CAMTA1: variants seen among roughly 807,000 people sequenced by gnomAD.
CAMTA1 encodes calmodulin-binding transcription activator 1.
A neutral mutation model predicts 170.9 loss-of-function variants in CAMTA1; 27 were observed. The ratio of observed to expected loss-of-function variants is 0.16; its 90% CI spans 0.12 to 0.22. CAMTA1 has a LOEUF of 0.22. Among genes scored for constraint, CAMTA1 ranks in the 10% least tolerant of loss-of-function variants. The pLI is 1.00. For missense variants in CAMTA1, 1,619 were observed against 2,217.2 expected (o/e 0.73, Z 5.42); for synonymous variants, 833 against 891.5 (o/e 0.93, Z 1.17).
intron 6 of CAMTA1, among the ~76,000 whole-genome samples, chr1:7,474,379 A>G (rs2093385260): frequency 6.6e-6 from 1 of 152,220 alleles, no homozygotes; most frequent in Non-Finnish European, 1.5e-5. Context: ...GCTCATCCAT[A>G]AAATGGAGCC....
intron 7 of CAMTA1, among the ~76,000 whole-genome samples, chr1:7,648,555 G>T (rs189973575): frequency 3.5e-4 from 53 of 152,288 alleles, no homozygotes; most frequent in African/African-American, 1.3e-3. Context: ...TTCACTTAGA[G>T]GCGTGTTCCA....
chr1:7,099,977 G>GTCTCTC (rs1642529311), intron 4 of CAMTA1, among the ~76,000 whole-genome samples: 1 of 152,218 alleles, frequency 6.6e-6, no homozygotes, highest in African/African-American at 2.4e-5. Context: ...AGGCCAGGGG[G>GTCTCTC]TGGTTGCCTG....
chr1:7,762,759 C>T (rs942079889), intron 22 of CAMTA1, among the ~76,000 whole-genome samples: 1 of 152,100 alleles, frequency 6.6e-6, no homozygotes, highest in Non-Finnish European at 1.5e-5. Flanking sequence ...TTTTAGGATT[C>T]TAAATAATTG....
chr1:6,788,686 C>T (rs780418114), intron 1 of CAMTA1, among the ~76,000 whole-genome samples: 1 of 152,090 alleles, frequency 6.6e-6, no homozygotes, highest in Non-Finnish European at 1.5e-5. Flanking sequence ...CCTACCGTTT[C>T]CTCCATGGCC....
chr1:6,830,841 T>C (rs1390060445), intron 3 of CAMTA1, among the ~76,000 whole-genome samples: 1 of 151,666 alleles, frequency 6.6e-6, no homozygotes, highest in Non-Finnish European at 1.5e-5. Flanking sequence ...TTTTTTGAGA[T>C]GGAGTCTCAC....
chr1:7,498,088 A>G (rs2093860781), intron 6 of CAMTA1, among the ~76,000 whole-genome samples: 1 of 152,076 alleles, frequency 6.6e-6, no homozygotes, highest in Non-Finnish European at 1.5e-5. Context: ...TGCGGGGAGC[A>G]TCCTGAGGAG....
intron 3 of CAMTA1, among the ~76,000 whole-genome samples, chr1:7,006,301 A>T (rs894050727): frequency 6.6e-6 from 1 of 152,208 alleles, no homozygotes; most frequent in Non-Finnish European, 1.5e-5. Context: ...TCCCCATTAA[A>T]AACTAATATA....
intron 6 of CAMTA1, among the ~76,000 whole-genome samples, chr1:7,590,970 G>A (rs2095351244): frequency 6.6e-6 from 1 of 152,152 alleles, no homozygotes; most frequent in Admixed American, 6.5e-5. Context: ...AAAAGTGCAC[G>A]GAACAGATAG....
chr1:7,204,420 T>G (rs1657293272), intron 4 of CAMTA1, among the ~76,000 whole-genome samples: 1 of 152,234 alleles, frequency 6.6e-6, no homozygotes, highest in African/African-American at 2.4e-5. Context: ...CTTAAGGCAT[T>G]GATTATGTAA....
chr1:7,566,236 C>G (rs2095040579), intron 6 of CAMTA1, among the ~76,000 whole-genome samples: 1 of 152,182 alleles, frequency 6.6e-6, no homozygotes, highest in South Asian at 2.1e-4. Flanking sequence ...CCCAGGCACT[C>G]ACTGTCCCTC....
chr1:7,009,645 G>T (rs1233338352), intron 3 of CAMTA1, among the ~76,000 whole-genome samples: 4 of 152,356 alleles, frequency 2.6e-5, no homozygotes, highest in Admixed American at 6.5e-5. Context: ...AGGAAGCTCG[G>T]GGGCGAGTGT....
chr1:7,488,194 T>C (rs953479297), intron 6 of CAMTA1, among the ~76,000 whole-genome samples: 6 of 152,194 alleles, frequency 3.9e-5, no homozygotes, highest in African/African-American at 1.2e-4. Flanking sequence ...CTCTAGGTGC[T>C]TGATCCCAGG....
At position 7,674,118 on chromosome 1, in the gene CAMTA1, G is replaced by A. The variant is rs540923163; in HGVS notation, c.2779+3081G>A. Among the ~76,000 whole-genome samples the A allele has an allele frequency of 6.6e-5, 10 of 152,316 alleles. No homozygotes were observed. The South Asian group carries it at 8.3e-4, about 13-fold the overall frequency. On this transcript the variant is annotated intron_variant, in intron 10 of 22. Coordinates refer to ENST00000303635, the MANE Select transcript of CAMTA1 (RefSeq NM_015215.4). This position sits in a 1 kb window ranked among gnomAD's most constrained non-coding sequence, Gnocchi z 4.1. ...AGGCTTATGAGCACAAGCCAGGAAC[G>A]ACACGGGAGGAGGGGGCACTGGCAA... is the stretch of plus-strand genomic sequence containing the variant.
At chr1:7,207,643 G>C (rs1307445374) in intron 4 of CAMTA1, among the ~76,000 whole-genome samples, 1 of 152,166 alleles carries the variant, frequency 6.6e-6, no homozygotes, top group African/African-American at 2.4e-5. Context: ...CACGAGGCCA[G>C]TGGCTGGTCC....
Position 7,733,495 on chromosome 1 carries a change from C to T in CAMTA1, c.3066+896C>T, listed in dbSNP as rs184678698. ...AAAGAATGTATGATATTGCCAAGTA[C>T]GAGTAAATTACCAAACATTGTTTCA... On this transcript the variant is annotated intron_variant, in intron 12 of 22. Coordinates refer to ENST00000303635, the MANE Select transcript of CAMTA1 (RefSeq NM_015215.4). Among the ~76,000 whole-genome samples, 24 of 152,216 alleles carry T rather than the reference C, an allele frequency of 1.6e-4. No homozygotes were observed. In the East Asian group the frequency reaches 3.5e-3, roughly 22 times the overall value.
intron 4 of CAMTA1, among the ~76,000 whole-genome samples, chr1:7,181,415 G>C (rs2148889159): frequency 6.6e-6 from 1 of 152,230 alleles, no homozygotes; most frequent in South Asian, 2.1e-4. Flanking sequence ...TCAGTTACTG[G>C]CATGAATATT....
chr1:7,069,272 C>A (rs939709686), intron 3 of CAMTA1, among the ~76,000 whole-genome samples: 2 of 152,160 alleles, frequency 1.3e-5, no homozygotes, highest in Non-Finnish European at 2.9e-5. Flanking sequence ...CTCACCTAGC[C>A]CTCCCAGAGA....
chr1:7,496,834 C>G (rs2093835324), intron 6 of CAMTA1, among the ~76,000 whole-genome samples: 1 of 151,848 alleles, frequency 6.6e-6, no homozygotes, highest in Admixed American at 6.6e-5. Flanking sequence ...CCTCCCAGGC[C>G]CCAACACCAC....
chr1:7,473,880 G>A lies in CAMTA1; in HGVS notation c.510+5979G>A, dbSNP rs887437166. Among the ~76,000 whole-genome samples the A allele has an allele frequency of 9.8e-5, 15 of 152,366 alleles. No individual in the cohort carries two copies. The South Asian group carries it at 1.7e-3, about 17-fold the overall frequency. On this transcript the variant is annotated intron_variant, in intron 6 of 22. Transcript: ENST00000303635. ...TGGAACGCGATGGCCTCTCTGAGCC[G>A]ACTGCCTCTGGCTCCCCAGGAAGGG...
Sources: gnomAD v4.1 joint callset for allele counts (sites outside exome capture counted in the v4.1 genomes callset) on GRCh38, gnomAD v4.1.1 for gene constraint, Gnocchi (gnomAD v3.1) non-coding constraint, MANE v1.5 for transcripts, NCBI Gene and HGNC (gene_info 2026-07-23, HGNC 2026-07-21) for gene names.